HOOK3: variants seen among roughly 807,000 people sequenced by gnomAD.
HOOK3 encodes hook microtubule tethering protein 3.
In HOOK3, 24 loss-of-function variants were observed where a neutral mutation model predicts 116.3. The ratio of observed to expected loss-of-function variants is 0.21; its 90% CI spans 0.15 to 0.29. The LOEUF (loss-of-function observed/expected upper bound fraction) is 0.29. Ranked by LOEUF, HOOK3 falls within the 10% of genes least tolerant of loss-of-function variation. The pLI is 1.00. For synonymous variants in HOOK3, 275 were observed against 283.0 expected, an observed-to-expected ratio of 0.97 and a Z score of 0.28; for missense variants, 632 against 830.2, an observed-to-expected ratio of 0.76 and a Z score of 2.93.
In HOOK3 at chr8:43,025,415, G is replaced by C. The variant is rs1440826625; in HGVS notation, c.*6917G>C. 4 of 214,044 alleles carry C rather than the reference G, an allele frequency of 1.9e-5. No homozygotes were observed. The highest frequency in any genetic ancestry group is 6.8e-5 in the African/African-American group (3 of 44,274). The allele number at this position is 214,044 out of a possible 1,614,324, so 13.3% of individuals were successfully genotyped here. ...AAATAGCCTAATTATAAACAAATAT[G>C]CAGGCAGAGGGAAGTCCTAATACAA... On this transcript the variant is annotated 3_prime_UTR_variant, in exon 22 of 22. Coordinates refer to ENST00000307602, the MANE Select transcript of HOOK3 (RefSeq NM_032410.4).
rs528170655 is a variant in HOOK3, at chr8:42,965,922, G to A, written c.780-551G>A. Among the ~76,000 whole-genome samples the A allele has an allele frequency of 3.3e-5, 5 of 152,230 alleles. No homozygotes were observed. In the South Asian group the frequency reaches 1.0e-3, roughly 32 times the overall value. The stretch of plus-strand genomic sequence containing the variant: ...GCAAGACCCTCTCTTTCCCGACTAT[G>A]TGTCTGCAAGGCTGGATTTTCTTCA... On this transcript the variant is annotated intron_variant, in intron 9 of 21. Transcript: ENST00000307602.
intron 4 of HOOK3, among the ~76,000 whole-genome samples, chr8:42,939,175 C>T (rs1329565320): frequency 6.6e-6 from 1 of 152,228 alleles, no homozygotes; most frequent in Non-Finnish European, 1.5e-5. Flanking sequence ...CCTTTCCCCC[C>T]TTTCTATTCC....
chr8:42,997,155 A>C (rs1383283519), intron 15 of HOOK3, among the ~76,000 whole-genome samples: 1 of 151,992 alleles, frequency 6.6e-6, no homozygotes, highest in Non-Finnish European at 1.5e-5. Flanking sequence ...CAGTCCATCC[A>C]CCTTGGCCTC....
intron 2 of HOOK3, among the ~76,000 whole-genome samples, chr8:42,922,673 C>A (rs1336110393): frequency 6.6e-6 from 1 of 151,428 alleles, no homozygotes. Context: ...CTGAGGTGGG[C>A]GGATCACTTG....
chr8:43,000,361 TATTA>T, intron 16 of HOOK3: 1 of 824,738 alleles, frequency 1.2e-6, no homozygotes, highest in Non-Finnish European at 1.8e-6. Flanking sequence ...TGGAAAATTT[TATTA>T]AGGTAGTTTT....
chr8:42,955,159 T>A (rs1189154697), intron 6 of HOOK3, among the ~76,000 whole-genome samples: 2 of 152,258 alleles, frequency 1.3e-5, no homozygotes, highest in African/African-American at 4.8e-5. Flanking sequence ...TCTACTTTTA[T>A]GCAGGTTTGT....
intron 5 of HOOK3, among the ~76,000 whole-genome samples, chr8:42,946,763 C>CTT (rs34564365): frequency 5.3e-4 from 39 of 73,906 alleles, no homozygotes; most frequent in African/African-American, 6.2e-4. Flanking sequence ...CTCTTTCTTT[C>CTT]TTTTTTTTTT....
chr8:42,915,590 C>A (rs894679852), intron 2 of HOOK3, among the ~76,000 whole-genome samples: 1 of 152,062 alleles, frequency 6.6e-6, no homozygotes, highest in African/African-American at 2.4e-5. Context: ...CACCACCATG[C>A]CCAGCTAATT....
chr8:42,975,574 A>T (rs776415611), intron 13 of HOOK3, among the ~76,000 whole-genome samples: 1 of 152,234 alleles, frequency 6.6e-6, no homozygotes, highest in Non-Finnish European at 1.5e-5. Context: ...AGAAGGAATG[A>T]TAGGGCTTTA....
In HOOK3 at chr8:43,026,149, A is replaced by C. The variant is rs1809929701; in HGVS notation, c.*7651A>C. 1 of 205,380 alleles carries C rather than the reference A, an allele frequency of 4.9e-6. No individual in the cohort carries two copies. The highest frequency in any genetic ancestry group is 7.5e-5 in the East Asian group (1 of 13,384). The allele number at this position is 205,380 out of a possible 1,614,324, so 12.7% of individuals were successfully genotyped here. The stretch of plus-strand genomic sequence containing the variant: ...AAGGAAAATAATTACTTTAGCAGTT[A>C]TGTTGTAAAATTAATAAAAAGGACT... On this transcript the variant is annotated 3_prime_UTR_variant, in exon 22 of 22. Coordinates refer to ENST00000307602, the MANE Select transcript of HOOK3 (RefSeq NM_032410.4).
At chr8:43,005,941 C>T (rs1586631380) in intron 17 of HOOK3, among the ~76,000 whole-genome samples, 1 of 149,488 alleles carries the variant, frequency 6.7e-6, no homozygotes, top group African/African-American at 2.5e-5. Flanking sequence ...GTGATCCACC[C>T]GCCTTGGCCT....
intron 4 of HOOK3, among the ~76,000 whole-genome samples, chr8:42,942,447 T>A (rs1408144718): frequency 6.6e-6 from 1 of 152,238 alleles, no homozygotes; most frequent in Non-Finnish European, 1.5e-5. Flanking sequence ...GGCTTGTGTT[T>A]ACCTTCTTGA....
At chr8:42,928,668 A>G (rs908881192) in intron 3 of HOOK3, among the ~76,000 whole-genome samples, 20 of 152,176 alleles carry the variant, frequency 1.3e-4, no homozygotes, top group African/African-American at 4.1e-4. Context: ...AAAGTTTATC[A>G]TAGTCTTAAT....
Position 42,974,255 on chromosome 8 carries a change from A to G in HOOK3, c.1321+61A>G, listed in dbSNP as rs148093012. ...CTTTTTTTTTTGAGACGGGAGTTTC[A>G]CTCTTATTGCCCAGGCTGGAGTGCA... On this transcript the variant is annotated intron_variant, in intron 13 of 21. Coordinates refer to ENST00000307602, the MANE Select transcript of HOOK3 (RefSeq NM_032410.4). The G allele has an allele frequency of 1.1e-3, 1,371 of 1,240,162 alleles. 20 individuals are homozygous for G. The African/African-American group carries it at 0.018, about 16-fold the overall frequency. The allele number at this position is 1,240,162 out of a possible 1,614,324, so 76.8% of individuals were successfully genotyped here.
At chr8:42,900,497 G>A (rs1157984675) in intron 1 of HOOK3, among the ~76,000 whole-genome samples, 2 of 152,126 alleles carry the variant, frequency 1.3e-5, no homozygotes, top group East Asian at 1.9e-4. Context: ...TTATTTGGCA[G>A]CCTATAAAAT....
intron 5 of HOOK3, among the ~76,000 whole-genome samples, chr8:42,944,841 A>G (rs1261308546): frequency 6.6e-6 from 1 of 152,056 alleles, no homozygotes; most frequent in African/African-American, 2.4e-5. Flanking sequence ...TAATAAAATA[A>G]CTTAATGGTA....
intron 4 of HOOK3, among the ~76,000 whole-genome samples, chr8:42,937,853 A>G (rs2130375236): frequency 6.6e-6 from 1 of 152,290 alleles, no homozygotes; most frequent in East Asian, 1.9e-4. Flanking sequence ...TGCTGAGAAG[A>G]ATGTATATTC....
chr8:42,980,007 A>G (rs1586619551), intron 13 of HOOK3, among the ~76,000 whole-genome samples: 1 of 136,240 alleles, frequency 7.3e-6, no homozygotes, highest in Admixed American at 8.1e-5. Context: ...CTTTTTGCCC[A>G]GGCTGGAGCG....
At chr8:42,923,483 C>A (rs1389638791) in intron 2 of HOOK3, among the ~76,000 whole-genome samples, 1 of 152,038 alleles carries the variant, frequency 6.6e-6, no homozygotes, top group Non-Finnish European at 1.5e-5. Context: ...TATTTAGCCA[C>A]AAAAAGGAAT....
Sources: allele counts gnomAD v4.1 joint callset (sites outside exome capture counted in the v4.1 genomes callset), GRCh38; gene constraint gnomAD v4.1.1; transcripts MANE v1.5; gene names NCBI Gene and HGNC (gene_info 2026-07-23, HGNC 2026-07-21).